Variants in RALGAPB observed in about 807,000 individuals in gnomAD.
RALGAPB encodes ral GTPase-activating protein subunit beta.
A neutral mutation model predicts 161.1 loss-of-function variants in RALGAPB; 25 were observed. The observed-to-expected ratio is 0.16, with a 90% confidence interval of 0.11 to 0.22. RALGAPB has a LOEUF of 0.22. Among genes scored for constraint, RALGAPB ranks in the 10% least tolerant of loss-of-function variants. The pLI is 1.00. For missense variants in RALGAPB, 1,391 were observed against 1,815.2 expected (o/e 0.77, Z 4.25); for synonymous variants, 629 against 626.1 (o/e 1.00, Z -0.07).
intron 13 of RALGAPB, 63 bp from the exon 14 acceptor site, chr20:38,531,104 T>A: frequency 7.4e-7 from 1 of 1,344,856 alleles, no homozygotes; most frequent in Non-Finnish European, 1.1e-6. Flanking sequence ...TCATATAAAA[T>A]GTCTTACGCA....
At chr20:38,500,600 C>T (rs2085560270) in intron 5 of RALGAPB, among the ~76,000 whole-genome samples, 1 of 152,020 alleles carries the variant, frequency 6.6e-6, no homozygotes, top group African/African-American at 2.4e-5. Flanking sequence ...TCAAAGTGGT[C>T]GAGTGAAAGG....
chr20:38,547,176 A>T (rs1401667841), intron 19 of RALGAPB: 2 of 152,142 alleles, frequency 1.3e-5, no homozygotes, highest in Admixed American at 1.3e-4. Flanking sequence ...CCTCCCCCTC[A>T]GTTATAAGCC....
chr20:38,498,124 A>G (rs1276596215), intron 4 of RALGAPB, among the ~76,000 whole-genome samples: 1 of 152,074 alleles, frequency 6.6e-6, no homozygotes, highest in African/African-American at 2.4e-5. Flanking sequence ...GAGCCTATAG[A>G]TAATATATTA....
intron 6 of RALGAPB, among the ~76,000 whole-genome samples, chr20:38,509,926 C>A (rs1025360376): frequency 6.6e-6 from 1 of 151,690 alleles, no homozygotes; most frequent in Non-Finnish European, 1.5e-5. Flanking sequence ...TCATTTCTTC[C>A]CATTTTGTAG....
chr20:38,566,135 C>T (rs529155710), intron 25 of RALGAPB, among the ~76,000 whole-genome samples: 13 of 152,266 alleles, frequency 8.5e-5, no homozygotes, highest in Middle Eastern at 3.4e-3. Context: ...CTATACATCA[C>T]GATTTCAGTC....
rs531797576 is a variant in RALGAPB at position 38,578,545 on chromosome 20, A to G, written c.*3578A>G. The G allele has an allele frequency of 6.5e-6, 1 of 152,754 alleles. No homozygotes were observed. Among genetic ancestry groups the G allele is most frequent in the African/African-American group, 2.4e-5 (1 of 41,574 alleles). 9.5% of individuals were successfully genotyped at this position (152,754 alleles called of 1,614,324 possible). A position where few individuals can be genotyped will look rare whatever the true frequency, so the allele number is the denominator to read the frequency against. ...TCTGAAGGGCTTGGCAGTTGTGGCTAAAAAATAAGCAGTATCATTATTTGC... is the reference window on the plus strand; with the variant it reads ...TCTGAAGGGCTTGGCAGTTGTGGCTGAAAAATAAGCAGTATCATTATTTGC... On this transcript the variant is annotated 3_prime_UTR_variant, in exon 30 of 30. Coordinates refer to ENST00000262879, the MANE Select transcript of RALGAPB (RefSeq NM_020336.4).
chr20:38,539,037 G>A (rs1444514404), intron 16 of RALGAPB, among the ~76,000 whole-genome samples: 8 of 152,144 alleles, frequency 5.3e-5, no homozygotes, highest in African/African-American at 1.4e-4. Context: ...TCCATGCAGT[G>A]GACTACTATT....
chr20:38,548,638 T>G, intron 19 of RALGAPB, 51 bp from the exon 20 acceptor site: 1 of 1,404,604 alleles, frequency 7.1e-7, no homozygotes, highest in Admixed American at 1.8e-5. Context: ...AAGTTTATTT[T>G]AAATGGTTGT....
intron 10 of RALGAPB, among the ~76,000 whole-genome samples, chr20:38,523,995 A>T (rs1177751766): frequency 1.3e-5 from 2 of 152,186 alleles, no homozygotes; most frequent in African/African-American, 4.8e-5. Context: ...GGAGAGAGAT[A>T]GATTGAAATG....
chr20:38,564,266 T>C (rs2087902091), intron 24 of RALGAPB, among the ~76,000 whole-genome samples: 1 of 152,202 alleles, frequency 6.6e-6, no homozygotes, highest in Non-Finnish European at 1.5e-5. Flanking sequence ...TCGGTCACAC[T>C]CTAGATTATA....
intron 12 of RALGAPB, 45 bp downstream of exon 12, chr20:38,525,563 T>C: frequency 7.3e-7 from 1 of 1,366,734 alleles, no homozygotes; most frequent in Non-Finnish European, 1.0e-6. Context: ...TTCTGTTTTT[T>C]GTACTAATTT....
intron 3 of RALGAPB, among the ~76,000 whole-genome samples, chr20:38,496,821 A>T (rs1228397732): frequency 6.6e-6 from 1 of 152,122 alleles, no homozygotes; most frequent in Non-Finnish European, 1.5e-5. Flanking sequence ...ATACCTCATT[A>T]ATTTTGGGGA....
At chr20:38,505,407 A>G (rs2085732892) in intron 5 of RALGAPB, among the ~76,000 whole-genome samples, 1 of 152,220 alleles carries the variant, frequency 6.6e-6, no homozygotes, top group South Asian at 2.1e-4. Context: ...AAAGATGACA[A>G]CATTAGAAAC....
intron 1 of RALGAPB, among the ~76,000 whole-genome samples, chr20:38,475,941 G>A (rs1279006599): frequency 1.3e-5 from 2 of 152,128 alleles, no homozygotes. Flanking sequence ...TATAAGGATT[G>A]TTATAGAAAA....
At chr20:38,552,775 G>A (rs4812025) in intron 21 of RALGAPB, among the ~76,000 whole-genome samples, 95,436 of 152,086 alleles carry the variant, frequency 0.63, 34,610 homozygotes, top group East Asian at 0.91. Context: ...AGGCAGTGCA[G>A]CTGAGGTTAA....
At chr20:38,491,370 C>T (rs562611219) in intron 2 of RALGAPB, among the ~76,000 whole-genome samples, 10 of 151,828 alleles carry the variant, frequency 6.6e-5, no homozygotes, top group Non-Finnish European at 1.2e-4. Context: ...CTTGGCAGAG[C>T]CTTTGGCATG....
At chr20:38,493,280 A>C in intron 3 of RALGAPB, 148 bp downstream of exon 3, 1 of 667,970 alleles carries the variant, frequency 1.5e-6, no homozygotes, top group Non-Finnish European at 2.5e-6. Flanking sequence ...TGTGAATGTT[A>C]GGAGAGATGG....
chr20:38,502,498 A>G (rs1347982420), intron 5 of RALGAPB, among the ~76,000 whole-genome samples: 1 of 152,236 alleles, frequency 6.6e-6, no homozygotes, highest in Non-Finnish European at 1.5e-5. Flanking sequence ...CAGTTCAGGC[A>G]GACAATTGAC....
Position 38,525,991 on chromosome 20 carries a change from A to C in RALGAPB, c.1999A>C (p.Ile667Leu). Residue 667 changes from isoleucine to leucine, a missense_variant, in exon 13 of 30, where the codon ATA becomes CTA. Ile to Leu is a conservative substitution (Grantham distance 5). Transcript: ENST00000262879. ...SLKLRLVNIL[I>L]GALQTETDPN... ...GAAGTTGAGACTTGTGAATATATTAATAGGTGCCTTGCAAACTGAAACGGA... is the reference window on the plus strand; with the variant it reads ...GAAGTTGAGACTTGTGAATATATTACTAGGTGCCTTGCAAACTGAAACGGA... 1 of 1,613,972 alleles carries C rather than the reference A, an allele frequency of 6.2e-7. No individual in the cohort carries two copies. Among genetic ancestry groups the C allele is most frequent in the Non-Finnish European group, 8.5e-7 (1 of 1,179,870 alleles).
Sources: allele counts gnomAD v4.1 joint callset (sites outside exome capture counted in the v4.1 genomes callset), GRCh38; gene constraint gnomAD v4.1.1; transcripts MANE v1.5; gene names NCBI Gene and HGNC (gene_info 2026-07-23, HGNC 2026-07-21).